The following GULP1 variants were observed in gnomAD, a reference collection of about 807,000 sequenced individuals.
The protein encoded by GULP1 is GULP PTB domain containing engulfment adaptor 1.
In GULP1, 19 loss-of-function variants were observed where a neutral mutation model predicts 40.9. The ratio of observed to expected loss-of-function variants is 0.46; its 90% confidence interval spans 0.32 to 0.68. The LOEUF is 0.68. GULP1 is among the 30% of genes least tolerant of loss of function. The probability of loss-of-function intolerance (pLI) is 0.03; values close to 1 mark genes in which losing one functional copy is unlikely to be tolerated. For synonymous variants in GULP1, 119 were observed against 117.6 expected, an observed-to-expected ratio of 1.01 and a Z score of -0.08; for missense variants, 312 against 362.2, an observed-to-expected ratio of 0.86 and a Z score of 1.12.
chr2:188,308,235 CTT>C (rs2037470181), intron 1 of GULP1, among the ~76,000 whole-genome samples: 1 of 152,084 alleles, frequency 6.6e-6, no homozygotes, highest in South Asian at 2.1e-4. Context: ...ATTAAAGTAA[CTT>C]AACATCATGG....
At chr2:188,471,237 G>A (rs1279927348) in intron 2 of GULP1, among the ~76,000 whole-genome samples, 1 of 152,038 alleles carries the variant, frequency 6.6e-6, no homozygotes, top group Non-Finnish European at 1.5e-5. Context: ...GTCTATGAGT[G>A]CCTTTATAGG....
intron 7 of GULP1, among the ~76,000 whole-genome samples, chr2:188,546,097 A>G (rs1352105643): frequency 2.0e-5 from 3 of 151,990 alleles, no homozygotes; most frequent in Non-Finnish European, 4.4e-5. Flanking sequence ...AACAGATAGA[A>G]CTAAAAGAGT....
At chr2:188,336,546 T>G (rs2042278160) in intron 1 of GULP1, among the ~76,000 whole-genome samples, 1 of 152,334 alleles carries the variant, frequency 6.6e-6, no homozygotes, top group Middle Eastern at 3.4e-3. Context: ...AATCATGTAG[T>G]GATTAACATC....
chr2:188,532,375 TA>T (rs1687775047), intron 6 of GULP1, among the ~76,000 whole-genome samples: 2 of 152,260 alleles, frequency 1.3e-5, no homozygotes, highest in South Asian at 4.1e-4. Context: ...TAGAAATGCA[TA>T]AAATGCTAAT....
intron 2 of GULP1, among the ~76,000 whole-genome samples, chr2:188,409,972 A>T (rs1029726857): frequency 6.6e-6 from 1 of 152,198 alleles, no homozygotes; most frequent in Non-Finnish European, 1.5e-5. Context: ...ACAAAACAGG[A>T]TGGTTCTGGC....
At chr2:188,348,732 AG>A (rs1559137260) in intron 1 of GULP1, among the ~76,000 whole-genome samples, 2 of 152,192 alleles carry the variant, frequency 1.3e-5, no homozygotes, top group African/African-American at 4.8e-5. Flanking sequence ...CAGCTTCTCC[AG>A]TGGTAACATC....
chr2:188,380,669 T>C (rs1485967704), intron 1 of GULP1, among the ~76,000 whole-genome samples: 1 of 152,184 alleles, frequency 6.6e-6, no homozygotes, highest in East Asian at 1.9e-4. Context: ...TTTTGCAAAT[T>C]AGATTAAATA....
At chr2:188,333,229 G>A (rs1294055756) in intron 1 of GULP1, among the ~76,000 whole-genome samples, 3 of 151,254 alleles carry the variant, frequency 2.0e-5, no homozygotes, top group Non-Finnish European at 4.4e-5. Context: ...ATGGGTGACA[G>A]GGAGAGACCT....
intron 2 of GULP1, among the ~76,000 whole-genome samples, chr2:188,409,140 CA>C (rs2053538809): frequency 6.6e-6 from 1 of 151,890 alleles, no homozygotes; most frequent in African/African-American, 2.4e-5. Flanking sequence ...AAAATCAGTG[CA>C]AATAAATGAA....
chr2:188,305,401 A>G (rs890005328), intron 1 of GULP1, among the ~76,000 whole-genome samples: 34 of 152,298 alleles, frequency 2.2e-4, no homozygotes, highest in African/African-American at 7.9e-4. Context: ...GACAAAGCAC[A>G]TGATCTAAAC....
At chr2:188,437,337 G>A (rs914895143) in intron 2 of GULP1, among the ~76,000 whole-genome samples, 1 of 152,048 alleles carries the variant, frequency 6.6e-6, no homozygotes, top group Non-Finnish European at 1.5e-5. Context: ...TCAAGCTGAA[G>A]TTAGAATTGA....
At chr2:188,427,339 G>T (rs2056330274) in intron 2 of GULP1, among the ~76,000 whole-genome samples, 1 of 152,200 alleles carries the variant, frequency 6.6e-6, no homozygotes, top group Non-Finnish European at 1.5e-5. Flanking sequence ...ACTGGCTGCA[G>T]AAATTTCCAT....
chr2:188,299,676 TA>T (rs1174014112), intron 1 of GULP1, among the ~76,000 whole-genome samples: 1 of 152,238 alleles, frequency 6.6e-6, no homozygotes, highest in African/African-American at 2.4e-5. Context: ...CTTATTAACT[TA>T]AATAGAAGTT....
intron 2 of GULP1, among the ~76,000 whole-genome samples, chr2:188,474,742 G>A (rs1370270500): frequency 6.6e-6 from 1 of 152,112 alleles, no homozygotes; most frequent in Non-Finnish European, 1.5e-5. Context: ...TTGGATAGTT[G>A]TTAAATTGAT....
intron 1 of GULP1, among the ~76,000 whole-genome samples, chr2:188,319,721 A>G (rs536283693): frequency 9.9e-5 from 15 of 152,270 alleles, no homozygotes; most frequent in African/African-American, 2.6e-4. Flanking sequence ...GTGTGTGATC[A>G]TTACTACAGC....
chr2:188,361,042 G>A (rs757261207), intron 1 of GULP1, among the ~76,000 whole-genome samples: 7 of 152,074 alleles, frequency 4.6e-5, no homozygotes, highest in Non-Finnish European at 1.0e-4. Context: ...AAATGTCACT[G>A]CATTGCGTAA....
intron 2 of GULP1, among the ~76,000 whole-genome samples, chr2:188,432,423 G>A (rs113435890): frequency 3.2e-4 from 48 of 151,378 alleles, no homozygotes; most frequent in African/African-American, 1.0e-3. Context: ...TGTGACTATC[G>A]GGTATTTATC....
rs1230513952 is a variant in GULP1, at chr2:188,595,332, T to A, written c.*1321T>A. On this transcript the variant is annotated 3_prime_UTR_variant, in exon 12 of 12. Coordinates refer to ENST00000409830, the MANE Select transcript of GULP1 (RefSeq NM_016315.4). ...GTAGGGGTAGCCCTCAAAAATAGAT[T>A]TATCATTTACTCATTGGAATTTTCT... 4.0e-5 allele frequency: 6 copies of A among 150,678 alleles called. No homozygotes were observed. Among genetic ancestry groups the A allele is most frequent in the Non-Finnish European group, 9.0e-5 (6 of 66,810 alleles). The allele number at this position is 150,678 out of a possible 1,614,324, so 9.3% of individuals were successfully genotyped here. A position where few individuals can be genotyped will look rare whatever the true frequency, so the allele number is the denominator to read the frequency against.
intron 2 of GULP1, among the ~76,000 whole-genome samples, chr2:188,398,847 G>A (rs2051669319): frequency 6.6e-6 from 1 of 152,134 alleles, no homozygotes; most frequent in Non-Finnish European, 1.5e-5. Flanking sequence ...AATAATTTTT[G>A]TGTGTAAAGA....
Sources: allele counts gnomAD v4.1 joint callset (sites outside exome capture counted in the v4.1 genomes callset), GRCh38; gene constraint gnomAD v4.1.1; transcripts MANE v1.5; gene names NCBI Gene and HGNC (gene_info 2026-07-23, HGNC 2026-07-21).